CTNNA3: variants seen among roughly 807,000 people sequenced by gnomAD.
CTNNA3 encodes catenin alpha 3.
In CTNNA3, 76 loss-of-function variants were observed where a neutral mutation model predicts 95.7. The observed-to-expected ratio is 0.79, with a 90% confidence interval of 0.66 to 0.96. The LOEUF (loss-of-function observed/expected upper bound fraction) is 0.96. Among genes scored for constraint, CTNNA3 ranks in the 40% least tolerant of loss-of-function variants. The probability of loss-of-function intolerance (pLI) is 0.00; values close to 1 mark genes in which losing one functional copy is unlikely to be tolerated. For synonymous variants in CTNNA3, 431 were observed against 374.4 expected, an observed-to-expected ratio of 1.15 and a Z score of -1.74; for missense variants, 1,191 against 1,089.8, an observed-to-expected ratio of 1.09 and a Z score of -1.31.
At chr10:66,336,825 G>A (rs2092402614) in intron 12 of CTNNA3, among the ~76,000 whole-genome samples, 3 of 152,042 alleles carry the variant, frequency 2.0e-5, no homozygotes, top group African/African-American at 4.8e-5. Flanking sequence ...AGTGGTCCAG[G>A]GCCTCCAGGG....
At chr10:66,012,298 T>G (rs2079019533) in intron 15 of CTNNA3, among the ~76,000 whole-genome samples, 1 of 152,140 alleles carries the variant, frequency 6.6e-6, no homozygotes, top group Admixed American at 6.5e-5. Flanking sequence ...ATAAAATACT[T>G]GTTGGTGTGG....
chr10:67,352,528 T>TA (rs1029250151), intron 5 of CTNNA3, among the ~76,000 whole-genome samples: 63 of 145,710 alleles, frequency 4.3e-4, no homozygotes, highest in Middle Eastern at 3.5e-3. Flanking sequence ...TGCAAAAGAA[T>TA]AAAAAAAAAA....
At chr10:67,183,259 A>G (rs1589833695) in intron 6 of CTNNA3, among the ~76,000 whole-genome samples, 1 of 152,216 alleles carries the variant, frequency 6.6e-6, no homozygotes. Flanking sequence ...TTGCGGCACT[A>G]TTCACAATAG....
chr10:66,676,633 C>T (rs1443616100), intron 9 of CTNNA3, among the ~76,000 whole-genome samples: 1 of 152,022 alleles, frequency 6.6e-6, no homozygotes. Context: ...GGTCCTAGGA[C>T]TCAGGAGGAT....
At chr10:67,397,427 C>T (rs1844746501) in intron 5 of CTNNA3, among the ~76,000 whole-genome samples, 1 of 152,132 alleles carries the variant, frequency 6.6e-6, no homozygotes, top group Admixed American at 6.5e-5. Flanking sequence ...GCCCTAGAGA[C>T]TTGTGGAACT....
intron 5 of CTNNA3, among the ~76,000 whole-genome samples, chr10:67,305,400 A>T (rs1191100920): frequency 6.6e-6 from 1 of 151,186 alleles, no homozygotes; most frequent in Admixed American, 6.6e-5. Flanking sequence ...AAAGAGAGAG[A>T]GACAATGGGA....
At chr10:66,751,087 G>A in intron 9 of CTNNA3, among the ~76,000 whole-genome samples, 1 of 152,054 alleles carries the variant, frequency 6.6e-6, no homozygotes, top group East Asian at 1.9e-4. Context: ...GGCCAATATG[G>A]TGAAACCCCG....
At chr10:67,312,842 A>G (rs115035425) in intron 5 of CTNNA3, among the ~76,000 whole-genome samples, 2,549 of 152,350 alleles carry the variant, frequency 0.017, 78 homozygotes, top group African/African-American at 0.057. Context: ...CTGGACTTTG[A>G]TCTAAAACCC....
chr10:67,446,055 A>G (rs984339965), intron 5 of CTNNA3, among the ~76,000 whole-genome samples: 38 of 152,194 alleles, frequency 2.5e-4, no homozygotes, highest in African/African-American at 9.2e-4. Flanking sequence ...TTAATCTTTC[A>G]TTCAACAAAC....
chr10:66,944,889 T>C (rs573519612), intron 7 of CTNNA3, among the ~76,000 whole-genome samples: 16 of 152,274 alleles, frequency 1.1e-4, no homozygotes, highest in African/African-American at 3.8e-4. Context: ...TTGAAAGGAA[T>C]CTTTTTTTAG....
intron 5 of CTNNA3, among the ~76,000 whole-genome samples, chr10:67,249,782 C>A (rs1400704687): frequency 6.6e-6 from 1 of 152,166 alleles, no homozygotes; most frequent in African/African-American, 2.4e-5. Context: ...GTACACAGGG[C>A]TCAGTCACAC....
Position 67,289,781 on chromosome 10 carries a change from C to T in CTNNA3, c.580-69911G>A, listed in dbSNP as rs567358634. 2.1e-3 allele frequency among the ~76,000 whole-genome samples: 284 copies of T among 133,958 alleles called. 1 individual carries two copies. Among genetic ancestry groups the T allele is most frequent in the Middle Eastern group, 3.7e-3 (1 of 270 alleles). 87.9% of individuals were successfully genotyped at this position (133,958 alleles called of 152,430 possible). A position where few individuals can be genotyped will look rare whatever the true frequency, so the allele number is the denominator to read the frequency against. ...ATGAATGGATGGATGGATGGATGGACGGATGGATGGATGGTTGATGGATGG... is the reference window on the plus strand; with the variant it reads ...ATGAATGGATGGATGGATGGATGGATGGATGGATGGATGGTTGATGGATGG... On this transcript the variant is annotated intron_variant, in intron 5 of 17. Coordinates refer to ENST00000433211, the MANE Select transcript of CTNNA3 (RefSeq NM_013266.4).
intron 13 of CTNNA3, among the ~76,000 whole-genome samples, chr10:66,121,692 T>C (rs983089039): frequency 1.3e-5 from 2 of 152,020 alleles, no homozygotes; most frequent in African/African-American, 4.8e-5. Flanking sequence ...CTACAAAAAA[T>C]TAGCAAGGCA....
intron 15 of CTNNA3, among the ~76,000 whole-genome samples, chr10:66,037,515 C>A (rs1028135188): frequency 2.0e-4 from 30 of 152,116 alleles, no homozygotes; most frequent in Non-Finnish European, 4.0e-4. Context: ...TGGAATTAAG[C>A]CTCACCTTAA....
At chr10:66,140,587 C>A (rs1316501916) in intron 13 of CTNNA3, among the ~76,000 whole-genome samples, 1 of 152,134 alleles carries the variant, frequency 6.6e-6, no homozygotes, top group Non-Finnish European at 1.5e-5. Flanking sequence ...TTTGTTCTCT[C>A]CTAGCAATAA....
At chr10:66,884,320 G>A (rs1844960030) in intron 7 of CTNNA3, among the ~76,000 whole-genome samples, 1 of 152,048 alleles carries the variant, frequency 6.6e-6, no homozygotes, top group Non-Finnish European at 1.5e-5. Flanking sequence ...TTCAAGAGTG[G>A]AGCTTAATTT....
At chr10:65,994,083 G>A (rs2078598224) in intron 15 of CTNNA3, among the ~76,000 whole-genome samples, 1 of 152,152 alleles carries the variant, frequency 6.6e-6, no homozygotes, top group Non-Finnish European at 1.5e-5. Context: ...TTATTTATGT[G>A]TGAGGATTTA....
chr10:67,575,955 G>A (rs1274688346), intron 3 of CTNNA3, among the ~76,000 whole-genome samples: 2 of 152,194 alleles, frequency 1.3e-5, no homozygotes, highest in Non-Finnish European at 2.9e-5. Flanking sequence ...TCCTAGTCAA[G>A]GGAATGGTCT....
chr10:66,858,885 A>C (rs1436513299), intron 7 of CTNNA3, among the ~76,000 whole-genome samples: 1 of 151,796 alleles, frequency 6.6e-6, no homozygotes, highest in Non-Finnish European at 1.5e-5. Context: ...AATTTCTTTC[A>C]GTTCAGCTCT....
Sources: gnomAD v4.1 joint callset for allele counts (sites outside exome capture counted in the v4.1 genomes callset) on GRCh38, gnomAD v4.1.1 for gene constraint, MANE v1.5 for transcripts, NCBI Gene and HGNC (gene_info 2026-07-23, HGNC 2026-07-21) for gene names.